AK9: variants seen among roughly 807,000 people sequenced by gnomAD.
The protein encoded by AK9 is adenylate kinase 9, also known as adenylate kinase domain containing 1.
In AK9, 191 loss-of-function variants were observed where a neutral mutation model predicts 239.6. The ratio of observed to expected loss-of-function variants is 0.80; its 90% CI spans 0.71 to 0.90. The LOEUF (loss-of-function observed/expected upper bound fraction) is 0.90. Ranked by LOEUF, AK9 falls within the 40% of genes least tolerant of loss-of-function variation. AK9 has a pLI of 0.00. For synonymous variants in AK9, 689 were observed against 721.0 expected (o/e 0.96, Z 0.71); for missense variants, 1,995 against 2,214.7 (o/e 0.90, Z 1.99).
At chr6:109,594,113 A>G (rs1485561093) in intron 17 of AK9, among the ~76,000 whole-genome samples, 1 of 151,974 alleles carries the variant, frequency 6.6e-6, no homozygotes, top group Non-Finnish European at 1.5e-5. Context: ...TATTTAGAAG[A>G]CCCCCATCGT....
At position 109,570,734 on chromosome 6, in the gene AK9, T is replaced by C. The variant is rs753744731; in HGVS notation, c.2344+2708A>G. 1.9e-4 allele frequency among the ~76,000 whole-genome samples: 29 copies of C among 152,102 alleles called. 1 individual carries two copies. Among genetic ancestry groups the C allele is most frequent in the South Asian group, 2.1e-4 (1 of 4,830 alleles). The stretch of plus-strand genomic sequence containing the variant: ...TAACGTGGTTGAGAAACAATAGTTA[T>C]CTGACCAAAAATAATAAATGATCCT... On this transcript the variant is annotated intron_variant, in intron 21 of 40. Coordinates refer to ENST00000424296, the MANE Select transcript of AK9 (RefSeq NM_001145128.3).
chr6:109,547,860 A>AAAC (rs1783788603), intron 25 of AK9, among the ~76,000 whole-genome samples: 1 of 151,714 alleles, frequency 6.6e-6, no homozygotes, highest in African/African-American at 2.4e-5. Context: ...AAAAAAAAAA[A>AAAC]AAAAACCCAA....
chr6:109,599,096 A>G (rs1161357970), intron 17 of AK9, among the ~76,000 whole-genome samples: 1 of 152,138 alleles, frequency 6.6e-6, no homozygotes, highest in Non-Finnish European at 1.5e-5. Flanking sequence ...CCATTAGTCA[A>G]TTTTGGCTTT....
chr6:109,586,670 A>C (rs1789543224), intron 17 of AK9, among the ~76,000 whole-genome samples: 1 of 152,040 alleles, frequency 6.6e-6, no homozygotes, highest in African/African-American at 2.4e-5. Context: ...GTGAGAGCTA[A>C]AAGGTACTGA....
intron 12 of AK9, among the ~76,000 whole-genome samples, chr6:109,624,167 G>A (rs1420937323): frequency 6.6e-6 from 1 of 151,862 alleles, no homozygotes; most frequent in African/African-American, 2.4e-5. Flanking sequence ...TCTCCCTGGA[G>A]CTATCTCTTC....
intron 1 of AK9, among the ~76,000 whole-genome samples, chr6:109,685,845 A>G (rs2128363624): frequency 6.6e-6 from 1 of 152,352 alleles, no homozygotes; most frequent in East Asian, 1.9e-4. Flanking sequence ...GATACCAACC[A>G]CAATTTAAAA....
At chr6:109,648,357 GA>G (rs1341873331) in intron 8 of AK9, among the ~76,000 whole-genome samples, 1 of 151,782 alleles carries the variant, frequency 6.6e-6, no homozygotes, top group Non-Finnish European at 1.5e-5. Flanking sequence ...GACTAATAAA[GA>G]AGAAAAGAGA....
intron 17 of AK9, among the ~76,000 whole-genome samples, chr6:109,607,568 G>A (rs1181142279): frequency 1.3e-5 from 2 of 152,110 alleles, no homozygotes; most frequent in Non-Finnish European, 2.9e-5. Flanking sequence ...TTTTATACAA[G>A]GAACTTGAAC....
At position 109,533,425 on chromosome 6, in the gene AK9, C is replaced by T. The variant is rs752885792; in HGVS notation, c.3396G>A (p.Glu1132=). Residue 1132 remains glutamate, a synonymous_variant, in exon 28 of 41, where the codon GAG becomes GAA. Coordinates refer to ENST00000424296, the MANE Select transcript of AK9 (RefSeq NM_001145128.3). ...ILDGFPRYPE[E]AQFLGDRGFF... ...ATCCACGATCTCCCAAAAACTGGGC[C>T]TCTTCTGGATATCGTGGGAAACCAT... 1 of 1,611,432 alleles carries T rather than the reference C, an allele frequency of 6.2e-7. No homozygotes were observed.
At chr6:109,576,023 T>C (rs971555222) in intron 20 of AK9, among the ~76,000 whole-genome samples, 3 of 152,234 alleles carry the variant, frequency 2.0e-5, no homozygotes, top group African/African-American at 7.2e-5. Flanking sequence ...TCTGTTCCAT[T>C]GGTCTATGTG....
rs756132416 is a variant in AK9 at position 109,529,055 on chromosome 6, T to C, written c.3589A>G (p.Arg1197Gly). ...CTCTCTAATATAAGTTCAGCCCTTC[T>C]TTTAGCAATCGTATCAACCTGTTAA... ...AKIRVDTIAK[R>G]RAELILERDK... The change falls in exon 29 of 41, where the codon AGA becomes GGA. Residue 1197 changes from arginine (R) to glycine (G), a missense_variant. Physicochemically the swap from Arg to Gly is moderately radical, Grantham distance 125. Transcript: ENST00000424296. The C allele has an allele frequency of 1.9e-6, 3 of 1,583,122 alleles. No homozygotes were observed. Among genetic ancestry groups the C allele is most frequent in the Non-Finnish European group, 2.6e-6 (3 of 1,171,592 alleles).
intron 21 of AK9, among the ~76,000 whole-genome samples, chr6:109,569,470 A>C (rs1787083057): frequency 6.6e-6 from 1 of 152,220 alleles, no homozygotes; most frequent in African/African-American, 2.4e-5. Flanking sequence ...AGCAAAAGAA[A>C]CTACCATCAG....
At position 109,656,773 on chromosome 6, in the gene AK9, T is replaced by C. The variant is rs544640376; in HGVS notation, c.742A>G (p.Ile248Val). The C allele has an allele frequency of 1.9e-4, 304 of 1,595,506 alleles. 3 individuals are homozygous for C. The South Asian group carries it at 3.3e-3, about 17-fold the overall frequency. The change falls in exon 8 of 41, where the codon ATT (isoleucine) becomes GTT (valine). Residue 248 changes from isoleucine (I) to valine (V), a missense_variant. Around this residue, in one of 5 missense-constraint regions of AK9, gnomAD observed 1,290 missense variants for 1,392.7 expected, o/e 0.93. Coordinates refer to ENST00000424296, the MANE Select transcript of AK9 (RefSeq NM_001145128.3). ...ENIVKLYKET[I>V]LQTLEEVMAE... ...GTTCTTACTTCTAAAGTTTGGAGAA[T>C]TGTTTCCTTATAAAGCTTAACAATG...
chr6:109,537,063 C>CT (rs1477251508), intron 27 of AK9, among the ~76,000 whole-genome samples: 1 of 152,100 alleles, frequency 6.6e-6, no homozygotes, highest in East Asian at 1.9e-4. Flanking sequence ...GTCTAAAACT[C>CT]TCTTTTTTTG....
At chr6:109,498,224 A>G (rs950223081) in intron 36 of AK9, among the ~76,000 whole-genome samples, 3 of 152,136 alleles carry the variant, frequency 2.0e-5, no homozygotes, top group African/African-American at 7.2e-5. Flanking sequence ...CTACTACACT[A>G]CAGTCACTGG....
At chr6:109,625,577 G>T (rs1283100571) in intron 12 of AK9, among the ~76,000 whole-genome samples, 2 of 152,136 alleles carry the variant, frequency 1.3e-5, no homozygotes, top group Non-Finnish European at 2.9e-5. Flanking sequence ...GAACCCTATT[G>T]TGAACTGCAC....
chr6:109,564,777 T>C lies in AK9; in HGVS notation c.2413A>G (p.Ile805Val). 1 of 1,545,958 alleles carries C rather than the reference T, an allele frequency of 6.5e-7. No homozygotes were observed. The highest frequency in any genetic ancestry group is 8.7e-7 in the Non-Finnish European group (1 of 1,144,254). The change falls in exon 22 of 41, where the codon ATT becomes GTT. Residue 805 changes from isoleucine to valine, a missense_variant. Physicochemically the swap from Ile to Val is conservative, Grantham distance 29 (BLOSUM62 3). Transcript: ENST00000424296. ...TAACCTGTTTCAGATAATTTTTCAA[T>C]TTCCAGGCCCTCTTTGGATCCTTTT... ...IPKGSKEGLE[I>V]EKLSETVVLP...
chr6:109,663,878 T>C (rs945359686), intron 5 of AK9, among the ~76,000 whole-genome samples: 3 of 152,156 alleles, frequency 2.0e-5, no homozygotes, highest in South Asian at 2.1e-4. Context: ...CCACAATTAT[T>C]CCAAAGGCTA....
At chr6:109,564,593 T>C (rs1231358990) in intron 22 of AK9, among the ~76,000 whole-genome samples, 163 bp downstream of exon 22, 4 of 152,222 alleles carry the variant, frequency 2.6e-5, no homozygotes, top group Admixed American at 2.0e-4. Context: ...TCTAGTTTGA[T>C]ACACTTTTAA....
Sources: gnomAD v4.1 joint callset for allele counts (sites outside exome capture counted in the v4.1 genomes callset) on GRCh38, gnomAD v4.1.1 for gene constraint, gnomAD v4.1.1 regional missense constraint, MANE v1.5 for transcripts, NCBI Gene and HGNC (gene_info 2026-07-23, HGNC 2026-07-21) for gene names.